Variants in DNAH6 observed in about 807,000 individuals in gnomAD.
DNAH6 encodes axonemal beta dynein heavy chain 6.
In DNAH6, 340 loss-of-function variants were observed where a neutral mutation model predicts 491.4. The observed-to-expected ratio is 0.69, with a 90% CI of 0.63 to 0.76. The LOEUF (loss-of-function observed/expected upper bound fraction) is 0.76, where lower values mean the gene tolerates loss of function less well. DNAH6 is among the 30% of genes least tolerant of loss of function. The pLI is 0.00. For synonymous variants in DNAH6, 1,603 were observed against 1,686.1 expected (o/e 0.95, Z 1.21); for missense variants, 4,443 against 4,972.2 (o/e 0.89, Z 3.20).
chr2:84,707,151 A>G, intron 53 of DNAH6, 132 bp downstream of exon 53: 2 of 1,046,742 alleles, frequency 1.9e-6, no homozygotes, highest in African/African-American at 1.6e-5. Flanking sequence ...CTAGGATCAA[A>G]TAAGAACTCA....
At chr2:84,769,864 C>A (rs969674360) in intron 64 of DNAH6, among the ~76,000 whole-genome samples, 3 of 152,168 alleles carry the variant, frequency 2.0e-5, no homozygotes, top group South Asian at 2.1e-4. Flanking sequence ...AAATCTCCTA[C>A]ATATTTTTGG....
intron 71 of DNAH6, among the ~76,000 whole-genome samples, chr2:84,807,065 C>A (rs1679490708): frequency 6.6e-6 from 1 of 152,190 alleles, no homozygotes; most frequent in Non-Finnish European, 1.5e-5. Context: ...CTTCATAAAG[C>A]TTGTACTTTT....
Position 84,762,959 on chromosome 2 carries a change from G to A in DNAH6, c.10703+14G>A. On this transcript the variant is annotated intron_variant, in intron 64 of 76. Coordinates refer to ENST00000389394, the MANE Select transcript of DNAH6 (RefSeq NM_001370.2). ...ATATTCAGAACGGTAAGTTCATGTT[G>A]TGCAGTTTTAATAATGCAAATGCAT... 6.5e-7 allele frequency: 1 copy of A among 1,546,786 alleles called. No homozygotes were observed. The highest frequency in any genetic ancestry group is 1.2e-5 in the South Asian group (1 of 83,656).
chr2:84,722,707 G>A lies in DNAH6; in HGVS notation c.9875G>A (p.Arg3292His), dbSNP rs776576636. ...ATCAATGTGGCTCGTGAGAAGTATC[G>A]TCCAGTGGCCACTCAAGGCTCTGTA... ...QMINVAREKY[R>H]PVATQGSVMY... Residue 3292 changes from arginine to histidine, a missense_variant, in exon 60 of 77, where the codon CGT becomes CAT. This residue lies in a region of DNAH6 where 1,463 missense variants were observed against 1,656.6 expected (regional missense o/e 0.88). Transcript: ENST00000389394. 31 of 1,548,440 alleles carry A rather than the reference G, an allele frequency of 2.0e-5. No individual in the cohort carries two copies. The highest frequency in any genetic ancestry group is 1.7e-4 in the South Asian group (14 of 83,596).
At chr2:84,692,432 GATAGATAGA>G in intron 45 of DNAH6, among the ~76,000 whole-genome samples, 1 of 117,882 alleles carries the variant, frequency 8.5e-6, no homozygotes, top group South Asian at 2.7e-4. Context: ...TAGATAGATA[GATAGATAGA>G]TAGATAGATA....
intron 28 of DNAH6, 76 bp from the exon 29 acceptor site, chr2:84,624,826 C>A: frequency 7.2e-7 from 1 of 1,383,864 alleles, no homozygotes; most frequent in Non-Finnish European, 9.7e-7. Context: ...ATAATCCTTC[C>A]CCCATAGAGA....
intron 10 of DNAH6, among the ~76,000 whole-genome samples, chr2:84,554,338 C>T (rs1442217819): frequency 4.6e-5 from 7 of 152,186 alleles, no homozygotes; most frequent in Non-Finnish European, 1.0e-4. Context: ...ACAATTCCCA[C>T]CCATACTCAA....
intron 19 of DNAH6, among the ~76,000 whole-genome samples, chr2:84,604,943 C>A (rs532791852): frequency 6.6e-6 from 1 of 152,318 alleles, no homozygotes; most frequent in African/African-American, 2.4e-5. Flanking sequence ...TACACACCTA[C>A]TAACCCTCTG....
At position 84,727,791 on chromosome 2, in the gene DNAH6, A is replaced by G; in HGVS notation, c.10095A>G (p.Gln3365=). Residue 3365 remains glutamine, a synonymous_variant, in exon 61 of 77, where the codon CAA becomes CAG. Coordinates refer to ENST00000389394, the MANE Select transcript of DNAH6 (RefSeq NM_001370.2). Reference sequence around the variant, plus strand: ...ATGTTTCAAGAGGACTTTTTGAGCAACATAAACTCATCTACAGCTTTATGC... The same window carrying G: ...ATGTTTCAAGAGGACTTTTTGAGCAGCATAAACTCATCTACAGCTTTATGC... ...YVNVSRGLFE[Q]HKLIYSFMLC... The G allele has an allele frequency of 3.2e-6, 5 of 1,551,658 alleles. No homozygotes were observed. Among genetic ancestry groups the G allele is most frequent in the Non-Finnish European group, 4.4e-6 (5 of 1,146,776 alleles).
chr2:84,515,598 G>A (rs1048823242), upstream of DNAH6, among the ~76,000 whole-genome samples: 19 of 152,156 alleles, frequency 1.2e-4, no homozygotes, highest in Admixed American at 2.0e-4. Flanking sequence ...AGGTAACAAA[G>A]AGCAACCGAA....
intron 12 of DNAH6, among the ~76,000 whole-genome samples, chr2:84,576,079 A>G (rs1553430022): frequency 1.3e-5 from 2 of 152,216 alleles, no homozygotes; most frequent in Non-Finnish European, 2.9e-5. Context: ...GATACCATGA[A>G]AAAAGATGGT....
chr2:84,486,676 T>C, the DNAH6 span, among the ~76,000 whole-genome samples: 1 of 152,210 alleles, frequency 6.6e-6, no homozygotes, highest in Non-Finnish European at 1.5e-5. Flanking sequence ...TTATTGCCCA[T>C]ACAAACCTGG....
chr2:84,494,263 G>A, the DNAH6 span, among the ~76,000 whole-genome samples: 1 of 152,138 alleles, frequency 6.6e-6, no homozygotes, highest in Admixed American at 6.5e-5. Context: ...AATCATCTGA[G>A]GCCCTGGGAC....
chr2:84,467,842 A>G, the DNAH6 span, among the ~76,000 whole-genome samples: 18 of 152,374 alleles, frequency 1.2e-4, no homozygotes, highest in East Asian at 3.1e-3. Context: ...GGCCTTATCT[A>G]GAATCTAATG....
intron 22 of DNAH6, among the ~76,000 whole-genome samples, chr2:84,614,177 C>G (rs1044808305): frequency 3.9e-5 from 6 of 152,000 alleles, no homozygotes; most frequent in Non-Finnish European, 7.4e-5. Context: ...CTTTTTATCC[C>G]TCAGCTCCCT....
intron 18 of DNAH6, among the ~76,000 whole-genome samples, chr2:84,602,482 CTTTTTT>C (rs3029846): frequency 3.1e-5 from 1 of 32,000 alleles, no homozygotes; most frequent in African/African-American, 1.4e-4. Flanking sequence ...TGTTGTGTCC[CTTTTTT>C]TTTTTTTTTT....
chr2:84,593,970 A>T lies in DNAH6; in HGVS notation c.2611-2A>T. On this transcript the variant is annotated splice_acceptor_variant, in intron 16 of 76. Coordinates refer to ENST00000389394, the MANE Select transcript of DNAH6 (RefSeq NM_001370.2). LOFTEE classifies it high-confidence loss of function. Reference sequence around the variant, plus strand: ...CGCATTTTGTTTACTACATTTTTAAAGGTAGAAGTGTCCAAGTTTGAAGCT... The same window carrying T: ...CGCATTTTGTTTACTACATTTTTAATGGTAGAAGTGTCCAAGTTTGAAGCT... 1 of 1,527,344 alleles carries T rather than the reference A, an allele frequency of 6.5e-7. No individual in the cohort carries two copies. The highest frequency in any genetic ancestry group is 8.9e-7 in the Non-Finnish European group (1 of 1,128,540). The allele number at this position is 1,527,344 out of a possible 1,614,324, so 94.6% of individuals were successfully genotyped here.
At chr2:84,613,413 C>T (rs978914257) in intron 22 of DNAH6, among the ~76,000 whole-genome samples, 3 of 152,058 alleles carry the variant, frequency 2.0e-5, no homozygotes, top group Non-Finnish European at 2.9e-5. Flanking sequence ...TAGGTGGGGA[C>T]TGGGCATCAG....
chr2:84,666,954 A>C (rs1339499970), intron 37 of DNAH6, among the ~76,000 whole-genome samples: 1 of 152,208 alleles, frequency 6.6e-6, no homozygotes, highest in Non-Finnish European at 1.5e-5. Flanking sequence ...ACACTTCTAC[A>C]ACCATCTGAT....
Sources: allele counts gnomAD v4.1 joint callset (sites outside exome capture counted in the v4.1 genomes callset), GRCh38; gene constraint gnomAD v4.1.1; regional missense constraint gnomAD v4.1.1; transcripts MANE v1.5; gene names NCBI Gene and HGNC (gene_info 2026-07-23, HGNC 2026-07-21).